MAP4K4: variants seen among roughly 807,000 people sequenced by gnomAD.
MAP4K4 encodes the protein HPK/GCK-like kinase HGK.
Under a neutral mutation model 189.6 loss-of-function variants are expected in MAP4K4, and 38 were observed. The observed-to-expected ratio is 0.20, with a 90% CI of 0.15 to 0.26. MAP4K4 has a LOEUF of 0.26. MAP4K4 is among the 10% of genes least tolerant of loss of function. The probability of loss-of-function intolerance (pLI) is 1.00; values close to 1 mark genes in which losing one functional copy is unlikely to be tolerated. For missense variants in MAP4K4, 1,054 were observed against 1,726.9 expected (o/e 0.61, Z 6.91); for synonymous variants, 610 against 624.3 (o/e 0.98, Z 0.34).
intron 2 of MAP4K4, among the ~76,000 whole-genome samples, chr2:101,748,670 A>T (rs1237804815): frequency 6.6e-6 from 1 of 152,164 alleles, no homozygotes; most frequent in Admixed American, 6.5e-5. Flanking sequence ...TAGCTAGGAC[A>T]AGAGAAGGAA....
At chr2:101,756,473 A>C (rs751323449) in intron 2 of MAP4K4, among the ~76,000 whole-genome samples, 4 of 152,186 alleles carry the variant, frequency 2.6e-5, no homozygotes, top group Non-Finnish European at 5.9e-5. Context: ...TCAGAGGTGC[A>C]TACAGGTCAT....
exon 33 of MAP4K4, chr2:101,894,554 T>G (rs1016384873): frequency 6.5e-6 from 1 of 152,782 alleles, no homozygotes; most frequent in Non-Finnish European, 1.5e-5. Context: ...AATTTACTAA[T>G]TATAAAAGCT....
intron 2 of MAP4K4, among the ~76,000 whole-genome samples, chr2:101,733,716 CTG>C (rs1415496236): frequency 2.0e-5 from 3 of 152,218 alleles, no homozygotes; most frequent in Non-Finnish European, 4.4e-5. Flanking sequence ...AGGAACTGCT[CTG>C]TGTGCAGGTA....
intron 10 of MAP4K4, 37 bp from the exon 11 acceptor site, chr2:101,842,572 G>T: frequency 6.7e-7 from 1 of 1,495,482 alleles, no homozygotes; most frequent in Non-Finnish European, 9.2e-7. Context: ...GTCAGGACTT[G>T]TGAACTGTCC....
intron 6 of MAP4K4, 127 bp from the exon 7 acceptor site, chr2:101,831,594 G>A (rs1432351766): frequency 4.0e-6 from 4 of 1,002,366 alleles, no homozygotes; most frequent in Non-Finnish European, 6.1e-6. Context: ...GAGCAGGATC[G>A]CATATTCATG....
At chr2:101,747,754 A>T (rs2066395671) in intron 2 of MAP4K4, among the ~76,000 whole-genome samples, 1 of 152,192 alleles carries the variant, frequency 6.6e-6, no homozygotes, top group Admixed American at 6.5e-5. Context: ...TTAACCAGCA[A>T]ACAAACAAAA....
At chr2:101,706,090 T>C (rs558393975) in intron 2 of MAP4K4, among the ~76,000 whole-genome samples, 107 of 152,344 alleles carry the variant, frequency 7.0e-4, no homozygotes, top group African/African-American at 2.4e-3. Context: ...TCGATAGTTA[T>C]AATCAAATGA....
intron 2 of MAP4K4, among the ~76,000 whole-genome samples, chr2:101,782,604 G>T (rs1001445797): frequency 1.3e-5 from 2 of 152,152 alleles, no homozygotes; most frequent in African/African-American, 4.8e-5. Context: ...CGTTAGGCTT[G>T]GTTTGGTGTC....
chr2:101,789,447 A>G (rs2092448194), intron 2 of MAP4K4, among the ~76,000 whole-genome samples: 1 of 152,202 alleles, frequency 6.6e-6, no homozygotes, highest in Non-Finnish European at 1.5e-5. Context: ...AGTGGGCACT[A>G]CTATGATCTC....
At position 101,831,717 on chromosome 2, in the gene MAP4K4, A is replaced by C; in HGVS notation, c.509-4A>C. 2 of 1,592,036 alleles carry C rather than the reference A, an allele frequency of 1.3e-6. No homozygotes were observed. Among genetic ancestry groups the C allele is most frequent in the Non-Finnish European group, 1.7e-6 (2 of 1,168,094 alleles). On this transcript the variant is annotated splice_region_variant and splice_polypyrimidine_tract_variant and intron_variant, in intron 6 of 32. Transcript: ENST00000324219. ...CTTTATCTGCCTTTTTCTTCCTCCC[A>C]CAGTTGACTTTGGTGTGAGTGCTCA...
intron 2 of MAP4K4, among the ~76,000 whole-genome samples, chr2:101,781,024 T>C (rs2087070130): frequency 6.6e-6 from 1 of 152,250 alleles, no homozygotes; most frequent in African/African-American, 2.4e-5. Flanking sequence ...CAGCTGCGTA[T>C]GTGTAGTAAA....
intron 9 of MAP4K4, among the ~76,000 whole-genome samples, chr2:101,837,173 CCTT>C (rs1468081893): frequency 6.6e-6 from 1 of 150,464 alleles, no homozygotes; most frequent in Non-Finnish European, 1.5e-5. Context: ...TCTTGACTCT[CCTT>C]CTGAAATATG....
At chr2:101,888,667 G>GC in intron 31 of MAP4K4, 129 bp from the exon 32 acceptor site, 1 of 644,738 alleles carries the variant, frequency 1.6e-6, no homozygotes, top group African/African-American at 1.9e-5. Flanking sequence ...ATCCTTAAAT[G>GC]CTAGGCATTT....
chr2:101,810,691 T>C (rs2095364902), intron 3 of MAP4K4, among the ~76,000 whole-genome samples: 4 of 152,198 alleles, frequency 2.6e-5, no homozygotes, highest in Admixed American at 2.6e-4. Context: ...AAGAGGCATA[T>C]CTTTTTTTCC....
At chr2:101,857,591 G>A (rs1423323267) in intron 13 of MAP4K4, among the ~76,000 whole-genome samples, 2 of 152,184 alleles carry the variant, frequency 1.3e-5, no homozygotes, top group African/African-American at 4.8e-5. Flanking sequence ...CACAAGCCTT[G>A]CTAGGGTAGG....
chr2:101,830,981 C>T (rs1029258233), intron 6 of MAP4K4, among the ~76,000 whole-genome samples: 1 of 152,274 alleles, frequency 6.6e-6, no homozygotes, highest in African/African-American at 2.4e-5. Context: ...CTCAGCATTT[C>T]GTAGGCCTTT....
At chr2:101,768,800 G>A (rs1005331532) in intron 2 of MAP4K4, among the ~76,000 whole-genome samples, 3 of 152,188 alleles carry the variant, frequency 2.0e-5, no homozygotes, top group Non-Finnish European at 4.4e-5. Flanking sequence ...AGATACCCTC[G>A]TCTGGTGTTT....
intron 19 of MAP4K4, among the ~76,000 whole-genome samples, 196 bp downstream of exon 19, chr2:101,866,775 C>T (rs1337209223): frequency 6.8e-6 from 1 of 147,120 alleles, no homozygotes. Context: ...TTATATATAC[C>T]TAGCACTGTG....
intron 27 of MAP4K4, among the ~76,000 whole-genome samples, chr2:101,880,855 C>T (rs964593486): frequency 6.6e-6 from 1 of 152,098 alleles, no homozygotes; most frequent in Non-Finnish European, 1.5e-5. Context: ...CTATTTGTCT[C>T]TTTTTGTGCT....
Sources: allele counts gnomAD v4.1 joint callset (sites outside exome capture counted in the v4.1 genomes callset), GRCh38; gene constraint gnomAD v4.1.1; transcripts MANE v1.5; gene names NCBI Gene and HGNC (gene_info 2026-07-23, HGNC 2026-07-21).